The following NCAM2 variants were observed in gnomAD, a reference collection of about 807,000 sequenced individuals.
NCAM2 encodes the protein N-CAM-2.
Under a neutral mutation model 98.1 loss-of-function variants are expected in NCAM2, and 30 were observed. That is an observed-to-expected ratio of 0.31 (90% CI 0.23 to 0.41). The LOEUF is 0.41. Ranked by LOEUF, NCAM2 falls within the 10% of genes least tolerant of loss-of-function variation. The probability of loss-of-function intolerance (pLI) is 1.00; values close to 1 mark genes in which losing one functional copy is unlikely to be tolerated. For missense variants in NCAM2, 867 were observed against 1,005.8 expected (o/e 0.86, Z 1.87); for synonymous variants, 368 against 342.4 (o/e 1.07, Z -0.83).
chr21:21,529,191 A>G (rs1042548318), intron 16 of NCAM2, among the ~76,000 whole-genome samples: 3 of 152,062 alleles, frequency 2.0e-5, no homozygotes, highest in Non-Finnish European at 2.9e-5. Flanking sequence ...TTGTGAGTGA[A>G]ATATTACATG....
chr21:21,310,646 A>C (rs9976952), intron 5 of NCAM2, among the ~76,000 whole-genome samples: 1 of 152,126 alleles, frequency 6.6e-6, no homozygotes, highest in South Asian at 2.1e-4. Flanking sequence ...TTTTTTAACT[A>C]TCAATATGAT....
At chr21:21,441,250 A>G (rs776984864) in intron 12 of NCAM2, among the ~76,000 whole-genome samples, 1 of 152,190 alleles carries the variant, frequency 6.6e-6, no homozygotes, top group Non-Finnish European at 1.5e-5. Context: ...TGGAATACCA[A>G]AAACAAAAAC....
At chr21:21,181,500 G>A (rs777486132) in intron 1 of NCAM2, among the ~76,000 whole-genome samples, 11 of 152,078 alleles carry the variant, frequency 7.2e-5, no homozygotes, top group Non-Finnish European at 1.2e-4. Flanking sequence ...CGTGTGCGTT[G>A]TCAAAAATTA....
chr21:21,381,196 A>G (rs367781092), intron 9 of NCAM2, among the ~76,000 whole-genome samples: 2 of 152,110 alleles, frequency 1.3e-5, no homozygotes, highest in Non-Finnish European at 2.9e-5. Flanking sequence ...AGTCTCTGCC[A>G]TATTTTTTTT....
At chr21:21,323,493 A>G (rs1780407393) in intron 5 of NCAM2, among the ~76,000 whole-genome samples, 1 of 152,150 alleles carries the variant, frequency 6.6e-6, no homozygotes, top group Non-Finnish European at 1.5e-5. Flanking sequence ...TATATGTAAA[A>G]AATATTAATA....
chr21:21,307,120 T>C (rs7283551), intron 5 of NCAM2, among the ~76,000 whole-genome samples: 124,085 of 151,978 alleles, frequency 0.82, 50,871 homozygotes, highest in East Asian at 0.99. Context: ...TGCCACACAT[T>C]GAATATATTA....
intron 1 of NCAM2, among the ~76,000 whole-genome samples, chr21:21,023,555 A>T (rs867009561): frequency 3.3e-5 from 5 of 151,946 alleles, no homozygotes; most frequent in Admixed American, 6.6e-5. Flanking sequence ...GAATATTGAA[A>T]TTAATTTATT....
chr21:21,434,749 C>T (rs2146043711), intron 12 of NCAM2, among the ~76,000 whole-genome samples: 1 of 152,310 alleles, frequency 6.6e-6, no homozygotes, highest in South Asian at 2.1e-4. Context: ...CAGCCATGCA[C>T]AGTTTAAAAC....
intron 14 of NCAM2, among the ~76,000 whole-genome samples, chr21:21,474,566 C>T (rs1157863961): frequency 1.3e-5 from 2 of 151,918 alleles, no homozygotes; most frequent in Non-Finnish European, 2.9e-5. Context: ...CTTTCACCCA[C>T]ATCTTCACTC....
At chr21:21,283,724 T>A (rs191989698) in intron 2 of NCAM2, among the ~76,000 whole-genome samples, 1 of 152,058 alleles carries the variant, frequency 6.6e-6, no homozygotes, top group Admixed American at 6.6e-5. Flanking sequence ...AAGATTTACA[T>A]TTTTGTAAGC....
intron 15 of NCAM2, among the ~76,000 whole-genome samples, chr21:21,478,957 A>C (rs960503912): frequency 2.6e-5 from 4 of 152,210 alleles, no homozygotes; most frequent in Non-Finnish European, 5.9e-5. Flanking sequence ...TTGAAACATC[A>C]GAAACCACTT....
chr21:21,217,011 G>A (rs1296158733), intron 1 of NCAM2, among the ~76,000 whole-genome samples: 1 of 152,148 alleles, frequency 6.6e-6, no homozygotes, highest in African/African-American at 2.4e-5. Flanking sequence ...AAGAAACAAA[G>A]CTGTTTTTTA....
chr21:21,181,479 T>C (rs1344753185), intron 1 of NCAM2, among the ~76,000 whole-genome samples: 1 of 152,206 alleles, frequency 6.6e-6, no homozygotes, highest in Non-Finnish European at 1.5e-5. Flanking sequence ...AAAACCTTGT[T>C]GCATGCTTGT....
intron 1 of NCAM2, among the ~76,000 whole-genome samples, chr21:21,219,499 T>C (rs1053288135): frequency 6.6e-6 from 1 of 152,250 alleles, no homozygotes; most frequent in South Asian, 2.1e-4. Context: ...GTAGACTTTA[T>C]TACATCATGG....
intron 1 of NCAM2, among the ~76,000 whole-genome samples, chr21:21,067,519 C>T (rs1328362366): frequency 6.6e-6 from 1 of 152,122 alleles, no homozygotes; most frequent in Non-Finnish European, 1.5e-5. Flanking sequence ...CAGTTCTTCT[C>T]AATATGTATT....
At chr21:21,438,770 C>T (rs141506333) in intron 12 of NCAM2, among the ~76,000 whole-genome samples, 77 of 151,840 alleles carry the variant, frequency 5.1e-4, no homozygotes, top group African/African-American at 1.8e-3. Context: ...TTTCTTAATA[C>T]AAATGACAAT....
At chr21:21,025,785 C>A (rs1418479786) in intron 1 of NCAM2, among the ~76,000 whole-genome samples, 1 of 152,172 alleles carries the variant, frequency 6.6e-6, no homozygotes, top group Non-Finnish European at 1.5e-5. Context: ...ACTGGCTATA[C>A]ATACTGGAGC....
At chr21:21,469,900 G>T (rs1038484711) in intron 14 of NCAM2, among the ~76,000 whole-genome samples, 4 of 151,982 alleles carry the variant, frequency 2.6e-5, no homozygotes, top group South Asian at 2.1e-4. Flanking sequence ...AAACACGGTA[G>T]AAGAGAGATA....
chr21:21,244,718 G>T (rs1451572645), intron 1 of NCAM2, among the ~76,000 whole-genome samples: 1 of 151,474 alleles, frequency 6.6e-6, no homozygotes. Flanking sequence ...GTGGTGGCAG[G>T]TGCCTGTAAT....
Sources: gnomAD v4.1 joint callset for allele counts (sites outside exome capture counted in the v4.1 genomes callset) on GRCh38, gnomAD v4.1.1 for gene constraint, MANE v1.5 for transcripts, NCBI Gene and HGNC (gene_info 2026-07-23, HGNC 2026-07-21) for gene names.